Variants in SAA4 observed in about 807,000 individuals in gnomAD.
SAA4 encodes the protein serum amyloid A4, constitutive, also known as serum amyloid A-4 protein.
A neutral mutation model predicts 11.2 loss-of-function variants in SAA4; 8 were observed. The ratio of observed to expected loss-of-function variants is 0.71; its 90% CI spans 0.42 to 1.29. The LOEUF is 1.29. Ranked by LOEUF, SAA4 falls within the 50% of genes most tolerant of loss-of-function variation. The pLI, the probability that SAA4 is intolerant of heterozygous loss-of-function variation, is 0.01. For synonymous variants in SAA4, 60 were observed against 56.2 expected (o/e 1.07, Z -0.30); for missense variants, 171 against 164.2 (o/e 1.04, Z -0.23).
In SAA4 at chr11:18,233,451, T is replaced by TA. The variant is rs1857165199; in HGVS notation, c.92-919_92-918insT. ...ACAGAATGATAAAAATTTTTAAAACTGACAATATAAATTGTGGGCAAAAAT... is the reference window on the plus strand; with the variant it reads ...ACAGAATGATAAAAATTTTTAAAACTAGACAATATAAATTGTGGGCAAAAAT... On this transcript the variant is annotated intron_variant, in intron 2 of 3. Transcript: ENST00000278222. 2.0e-5 allele frequency among the ~76,000 whole-genome samples: 3 copies of TA among 152,208 alleles called. No individual in the cohort carries two copies. The East Asian group carries it at 5.8e-4, about 29-fold the overall frequency.
intron 3 of SAA4, 26 bp downstream of exon 3, chr11:18,232,369 C>T (rs771470395): frequency 6.2e-7 from 1 of 1,611,718 alleles, no homozygotes; most frequent in Admixed American, 1.7e-5. Flanking sequence ...TGGCCTCTCA[C>T]TGGAGTCCCC....
Position 18,232,490 on chromosome 11 carries a change from G to A in SAA4, c.135C>T (p.Ser45=), listed in dbSNP as rs768928673. ...MGRAYWDIMI[S]NHQNSNRYLY... ...GATATCTGTTTGAATTTTGGTGATT[G>A]GATATCATTATGTCCCAATAGGCTC... The change falls in exon 3 of 4, where the codon TCC becomes TCT. Residue 45 remains serine, a synonymous_variant. Transcript: ENST00000278222. 4 of 1,614,080 alleles carry A rather than the reference G, an allele frequency of 2.5e-6. No homozygotes were observed. In the East Asian group the frequency reaches 8.9e-5, roughly 36 times the overall value.
chr11:18,231,853 C>A (rs534092750), intron 3 of SAA4, among the ~76,000 whole-genome samples, 189 bp from the exon 4 acceptor site: 2 of 134,476 alleles, frequency 1.5e-5, no homozygotes, highest in East Asian at 2.2e-4. Context: ...CTGATACTTG[C>A]GCTCTGCAAC....
At position 18,232,644 on chromosome 11, in the gene SAA4, G is replaced by A. The variant is rs954886822; in HGVS notation, c.92-111C>T. 14 of 1,460,312 alleles carry A rather than the reference G, an allele frequency of 9.6e-6. No homozygotes were observed. In the African/African-American group the frequency reaches 1.8e-4, roughly 19 times the overall value. 90.5% of individuals were successfully genotyped at this position (1,460,312 alleles called of 1,614,324 possible). A position where few individuals can be genotyped will look rare whatever the true frequency, so the allele number is the denominator to read the frequency against. Reference sequence around the variant, plus strand: ...TTGGCCCTTGACAAAATAATCCTTTGAAATCATACGTGGAGATAAACATTA... The same window carrying A: ...TTGGCCCTTGACAAAATAATCCTTTAAAATCATACGTGGAGATAAACATTA... On this transcript the variant is annotated intron_variant, in intron 2 of 3. Transcript: ENST00000278222.
intron 2 of SAA4, among the ~76,000 whole-genome samples, chr11:18,234,410 A>G (rs1857181872): frequency 6.6e-6 from 1 of 152,210 alleles, no homozygotes. Context: ...TACTATATGT[A>G]AGTTATATAT....
intron 2 of SAA4, among the ~76,000 whole-genome samples, chr11:18,234,759 T>A (rs1019886204): frequency 1.3e-5 from 2 of 152,244 alleles, no homozygotes; most frequent in Non-Finnish European, 2.9e-5. Flanking sequence ...ATGTTCATTC[T>A]ATGTTTTCCA....
At chr11:18,233,595 T>G (rs1355225356) in intron 2 of SAA4, among the ~76,000 whole-genome samples, 1 of 152,170 alleles carries the variant, frequency 6.6e-6, no homozygotes, top group African/African-American at 2.4e-5. Context: ...TTCTGCAGCC[T>G]TGATCTCCTG....
Position 18,232,437 on chromosome 11 carries a change from G to A in SAA4, c.188C>T (p.Ala63Val), listed in dbSNP as rs1857147889. 1 of 1,614,024 alleles carries A rather than the reference G, an allele frequency of 6.2e-7. No homozygotes were observed. Among genetic ancestry groups the A allele is most frequent in the East Asian group, 2.2e-5 (1 of 44,886 alleles). Residue 63 changes from alanine to valine, a missense_variant, in exon 3 of 4, where the codon GCC becomes GTC. Transcript: ENST00000278222. ...YLYARGNYDAAQRGPGGVWAA... is the reference protein window; with the variant it reads ...YLYARGNYDAVQRGPGGVWAA... ...CCAGACACCCCCAGGTCCTCTTTGG[G>A]CAGCATCATAGTTTCCCCGAGCATA...
chr11:18,233,763 C>T (rs537175746), intron 2 of SAA4, among the ~76,000 whole-genome samples: 1 of 151,826 alleles, frequency 6.6e-6, no homozygotes, highest in African/African-American at 2.4e-5. Context: ...GATCCTCCTG[C>T]CTTAGCCTCC....
chr11:18,234,803 A>G (rs966036937), intron 2 of SAA4, among the ~76,000 whole-genome samples: 10 of 152,296 alleles, frequency 6.6e-5, no homozygotes, highest in African/African-American at 2.4e-4. Flanking sequence ...CAAGCATCTG[A>G]CAGATTCTGT....
At position 18,231,458 on chromosome 11, in the gene SAA4, G is replaced by T; in HGVS notation, c.*44C>A. On this transcript the variant is annotated 3_prime_UTR_variant, in exon 4 of 4. Coordinates refer to ENST00000278222, the MANE Select transcript of SAA4 (RefSeq NM_006512.4). The stretch of plus-strand genomic sequence containing the variant: ...TGTCCCTGTCTGGGGGGAGAAGTGT[G>T]TGGCTCACAGCCCAGTTTCCCTGAG... 2 of 1,593,256 alleles carry T rather than the reference G, an allele frequency of 1.3e-6. No homozygotes were observed. Among genetic ancestry groups the T allele is most frequent in the Non-Finnish European group, 1.7e-6 (2 of 1,171,608 alleles).
At position 18,231,672 on chromosome 11, in the gene SAA4, C is replaced by T. The variant is rs1190024824; in HGVS notation, c.231-8G>A. 1 of 1,607,950 alleles carries T rather than the reference C, an allele frequency of 6.2e-7. No individual in the cohort carries two copies. The highest frequency in any genetic ancestry group is 8.5e-7 in the Non-Finnish European group (1 of 1,177,364). ...AGATAGACCCTGGAACGGCTGCAACCCAAAGAAAGGAGACAGGAGATTAAT... is the reference window on the plus strand; with the variant it reads ...AGATAGACCCTGGAACGGCTGCAACTCAAAGAAAGGAGACAGGAGATTAAT... On this transcript the variant is annotated splice_region_variant and splice_polypyrimidine_tract_variant and intron_variant, in intron 3 of 3. Coordinates refer to ENST00000278222, the MANE Select transcript of SAA4 (RefSeq NM_006512.4).
At chr11:18,232,735 G>GT (rs1379443540) in intron 2 of SAA4, among the ~76,000 whole-genome samples, 1 of 152,242 alleles carries the variant, frequency 6.6e-6, no homozygotes, top group Non-Finnish European at 1.5e-5. Flanking sequence ...ACATTGAATT[G>GT]TATTGGTTGG....
intron 3 of SAA4, 107 bp from the exon 4 acceptor site, chr11:18,231,771 T>C (rs1857138488): frequency 1.4e-6 from 2 of 1,394,904 alleles, no homozygotes; most frequent in South Asian, 1.5e-5. Flanking sequence ...AAGTAATGAC[T>C]GAGAGGAGGC....
intron 2 of SAA4, among the ~76,000 whole-genome samples, chr11:18,233,035 A>T (rs1857160489): frequency 1.3e-5 from 2 of 152,254 alleles, no homozygotes; most frequent in Admixed American, 1.3e-4. Context: ...ATAGCCCATA[A>T]GAAAAATACA....
At chr11:18,236,021 T>C in intron 1 of SAA4, 91 bp from the exon 2 acceptor site, 2 of 1,257,526 alleles carry the variant, frequency 1.6e-6, no homozygotes, top group Non-Finnish European at 2.2e-6. Flanking sequence ...TTTTTCTTTC[T>C]TTTTTTCCTT....
chr11:18,235,998 A>T (rs757193702), intron 1 of SAA4, 68 bp from the exon 2 acceptor site: 1 of 1,398,944 alleles, frequency 7.1e-7, no homozygotes, highest in Non-Finnish European at 9.7e-7. Flanking sequence ...TTGAGGACTG[A>T]ATTTCTTTCC....
Position 18,232,484 on chromosome 11 carries a change from G to A in SAA4, c.141C>T (p.His47=), listed in dbSNP as rs1857149225. 1.2e-6 allele frequency: 2 copies of A among 1,614,118 alleles called. No homozygotes were observed. Among genetic ancestry groups the A allele is most frequent in the South Asian group, 2.2e-5 (2 of 91,080 alleles). ...CATAGAGATATCTGTTTGAATTTTGGTGATTGGATATCATTATGTCCCAAT... is the reference window on the plus strand; with the variant it reads ...CATAGAGATATCTGTTTGAATTTTGATGATTGGATATCATTATGTCCCAAT... ...RAYWDIMISN[H]QNSNRYLYAR... Residue 47 remains histidine (H), a synonymous_variant, in exon 3 of 4, where the codon CAC becomes CAT. Coordinates refer to ENST00000278222, the MANE Select transcript of SAA4 (RefSeq NM_006512.4).
chr11:18,231,601 T>C lies in SAA4; in HGVS notation c.294A>G (p.Val98=), dbSNP rs776202563. 5 of 1,614,168 alleles carry C rather than the reference T, an allele frequency of 3.1e-6. No homozygotes were observed. The South Asian group carries it at 3.3e-5, about 11-fold the overall frequency. ...TCTCGTTGGACTTCGAGTCCTCCAA[T>C]ACAGTGCTGCTGTTTCCAAATAAAT... ...DCYLFGNSST[V]LEDSKSNEKA... is the part of the protein sequence containing the mutation. The change falls in exon 4 of 4, where the codon GTA becomes GTG. Residue 98 remains valine, a synonymous_variant. Transcript: ENST00000278222.
Sources: allele counts gnomAD v4.1 joint callset (sites outside exome capture counted in the v4.1 genomes callset), GRCh38; gene constraint gnomAD v4.1.1; transcripts MANE v1.5; gene names NCBI Gene and HGNC (gene_info 2026-07-23, HGNC 2026-07-21).